ZNF114: variants seen among roughly 807,000 people sequenced by gnomAD.
ZNF114 encodes zinc finger protein 114 (Y18).
Under a neutral mutation model 6.8 loss-of-function variants are expected in ZNF114, and 8 were observed. The ratio of observed to expected loss-of-function variants is 1.18; its 90% CI spans 0.69 to 2.13. The LOEUF (loss-of-function observed/expected upper bound fraction) is 2.13. ZNF114 is among the 30% of genes most tolerant of loss of function. The pLI, the probability that ZNF114 is intolerant of heterozygous loss-of-function variation, is 0.00. For synonymous variants in ZNF114, 169 were observed against 185.5 expected (o/e 0.91, Z 0.72); for missense variants, 472 against 519.5 (o/e 0.91, Z 0.89).
At chr19:48,274,480 TTTTATATATA>T (rs1232522213) in intron 3 of ZNF114, among the ~76,000 whole-genome samples, 1 of 67,978 alleles carries the variant, frequency 1.5e-5, no homozygotes, top group African/African-American at 4.6e-5. Flanking sequence ...AGAAAAAAAC[TTTTATATATA>T]TATATATATA....
At chr19:48,277,788 G>A (rs1160358294) in intron 3 of ZNF114, among the ~76,000 whole-genome samples, 1 of 16,434 alleles carries the variant, frequency 6.1e-5, no homozygotes, top group African/African-American at 2.7e-4. Flanking sequence ...GACCAGGGAG[G>A]CATTGGGTGT....
Position 48,286,957 on chromosome 19 carries a change from G to A in ZNF114, c.*79G>A. 2 of 1,432,260 alleles carry A rather than the reference G, an allele frequency of 1.4e-6. No homozygotes were observed. Among genetic ancestry groups the A allele is most frequent in the East Asian group, 2.4e-5 (1 of 42,506 alleles). 88.7% of individuals were successfully genotyped at this position (1,432,260 alleles called of 1,614,324 possible). A position where few individuals can be genotyped will look rare whatever the true frequency, so the allele number is the denominator to read the frequency against. On this transcript the variant is annotated 3_prime_UTR_variant, in exon 6 of 6. Transcript: ENST00000595607. ...AGGACATATTGGAAGGGAGCTCAAGGGGTTAGCATGAGTGAGAACATCTTC... is the reference window on the plus strand; with the variant it reads ...AGGACATATTGGAAGGGAGCTCAAGAGGTTAGCATGAGTGAGAACATCTTC...
intron 5 of ZNF114, among the ~76,000 whole-genome samples, chr19:48,285,391 A>G (rs767254530): frequency 6.6e-6 from 1 of 152,110 alleles, no homozygotes; most frequent in Non-Finnish European, 1.5e-5. Flanking sequence ...TCAGCTACTC[A>G]GGAAGCTGAG....
chr19:48,280,979 T>A (rs1600843271), intron 4 of ZNF114, among the ~76,000 whole-genome samples: 1 of 151,768 alleles, frequency 6.6e-6, no homozygotes, highest in African/African-American at 2.4e-5. Flanking sequence ...ACTCAGGTAC[T>A]CTTTTTCCTG....
intron 5 of ZNF114, among the ~76,000 whole-genome samples, chr19:48,282,805 C>CA (rs1411336109): frequency 6.6e-6 from 1 of 151,060 alleles, no homozygotes; most frequent in African/African-American, 2.4e-5. Context: ...TTCCACCCCC[C>CA]AGGTTCATGC....
chr19:48,275,655 A>C (rs1967809741), intron 3 of ZNF114, among the ~76,000 whole-genome samples: 1 of 151,948 alleles, frequency 6.6e-6, no homozygotes, highest in Admixed American at 6.6e-5. Context: ...AATAAAAATG[A>C]AAGATACATC....
chr19:48,274,779 T>TA (rs1967780831), intron 3 of ZNF114, among the ~76,000 whole-genome samples: 1 of 151,914 alleles, frequency 6.6e-6, no homozygotes, highest in South Asian at 2.1e-4. Flanking sequence ...GTGCTGGGAT[T>TA]ACAGGCGTGA....
intron 3 of ZNF114, among the ~76,000 whole-genome samples, chr19:48,272,838 C>T (rs1967707042): frequency 6.9e-6 from 1 of 144,134 alleles, no homozygotes; most frequent in Non-Finnish European, 1.5e-5. Flanking sequence ...CTCTGTCACC[C>T]AGGCTGGAGC....
chr19:48,270,814 C>T (rs1967636868), intron 1 of ZNF114, among the ~76,000 whole-genome samples: 1 of 151,964 alleles, frequency 6.6e-6, no homozygotes, highest in East Asian at 1.9e-4. Flanking sequence ...CGCGGTGGCT[C>T]ACGCCTGTAA....
chr19:48,279,602 T>C lies in ZNF114; in HGVS notation c.-69-129T>C, dbSNP rs1176372387. On this transcript the variant is annotated intron_variant, in intron 3 of 5. Transcript: ENST00000595607. ...GGGTGGGTGTAGAGGGGGTGGGGGTTGTGGGCTGTGGTGGGGAAGTGTGTG... is the reference window on the plus strand; with the variant it reads ...GGGTGGGTGTAGAGGGGGTGGGGGTCGTGGGCTGTGGTGGGGAAGTGTGTG... The C allele has an allele frequency of 2.2e-5, 12 of 544,918 alleles. No homozygotes were observed. The African/African-American group carries it at 2.8e-4, about 13-fold the overall frequency. The allele number at this position is 544,918 out of a possible 1,614,324, so 33.8% of individuals were successfully genotyped here.
At position 48,278,177 on chromosome 19, in the gene ZNF114, C is replaced by A. The variant is rs918927520; in HGVS notation, c.-69-1554C>A. On this transcript the variant is annotated intron_variant, in intron 3 of 5. Transcript: ENST00000595607. ...TCTCAAACTCCTGACCTCAAGTGAT[C>A]CACCTGCCTCGGCCTCCCAGAGTCT... 2.6e-5 allele frequency among the ~76,000 whole-genome samples: 4 copies of A among 152,332 alleles called. No homozygotes were observed. In the South Asian group the frequency reaches 8.3e-4, roughly 32 times the overall value.
Position 48,286,346 on chromosome 19 carries a change from C to G in ZNF114, c.722C>G (p.Thr241Ser), listed in dbSNP as rs1285411891. 2 of 1,614,098 alleles carry G rather than the reference C, an allele frequency of 1.2e-6. No individual in the cohort carries two copies. The highest frequency in any genetic ancestry group is 1.7e-5 in the Admixed American group (1 of 59,996). ...GACGGATCCCTTAGGGCACACAACA[C>G]TCATGGTCGAGAGAAAATGTATGAT... ...REDGSLRAHN[T>S]HGREKMYDFT... Residue 241 changes from threonine (T) to serine (S), a missense_variant, in exon 6 of 6, where the codon ACT becomes AGT. Physicochemically the swap from Thr to Ser is moderately conservative, Grantham distance 58 (BLOSUM62 1). Coordinates refer to ENST00000595607, the MANE Select transcript of ZNF114 (RefSeq NM_153608.4).
chr19:48,270,779 G>GA (rs71181666), intron 1 of ZNF114, among the ~76,000 whole-genome samples: 1 of 132,246 alleles, frequency 7.6e-6, no homozygotes, highest in African/African-American at 2.7e-5. Context: ...AAGAAAGAAA[G>GA]AAAGAAAAGA....
chr19:48,287,496 CA>C lies in ZNF114; in HGVS notation c.*632del, dbSNP rs1426754041. On this transcript the variant is annotated 3_prime_UTR_variant, in exon 6 of 6. Coordinates refer to ENST00000595607, the MANE Select transcript of ZNF114 (RefSeq NM_153608.4). ...TGGGGGAAAGAGCGAGACTCCGTCT[CA>C]AAAAAAAAAAAAAGTAGGAAAGACC... 533 of 120,174 alleles carry C rather than the reference CA, an allele frequency of 4.4e-3. 2 individuals carry two copies. Among genetic ancestry groups the C allele is most frequent in the Middle Eastern group, 9.5e-3 (2 of 210 alleles). The allele number at this position is 120,174 out of a possible 1,614,324, so 7.4% of individuals were successfully genotyped here.
At chr19:48,277,469 A>C (rs950321418) in intron 3 of ZNF114, among the ~76,000 whole-genome samples, 8 of 152,180 alleles carry the variant, frequency 5.3e-5, no homozygotes, top group African/African-American at 1.9e-4. Flanking sequence ...TTTCCTCTTT[A>C]TTAACCAAGG....
rs1426754041 is a variant in ZNF114 at position 48,287,496 on chromosome 19, C to CA, written c.*632dup. On this transcript the variant is annotated 3_prime_UTR_variant, in exon 6 of 6. Transcript: ENST00000595607. ...TGGGGGAAAGAGCGAGACTCCGTCTCAAAAAAAAAAAAAAGTAGGAAAGAC... is the reference window on the plus strand; with the variant it reads ...TGGGGGAAAGAGCGAGACTCCGTCTCAAAAAAAAAAAAAAAGTAGGAAAGAC... 1,020 of 120,304 alleles carry CA rather than the reference C, an allele frequency of 8.5e-3. 15 individuals carry two copies. Among genetic ancestry groups the CA allele is most frequent in the African/African-American group, 0.026 (855 of 32,528 alleles). 7.5% of individuals were successfully genotyped at this position (120,304 alleles called of 1,614,324 possible).
chr19:48,278,942 C>CAA (rs71334282), intron 3 of ZNF114, among the ~76,000 whole-genome samples: 8,215 of 143,702 alleles, frequency 0.057, 464 homozygotes, highest in African/African-American at 0.15. Context: ...GACTCCGTCT[C>CAA]AAAAAAAAAA....
intron 5 of ZNF114, among the ~76,000 whole-genome samples, chr19:48,284,903 A>G (rs565703044): frequency 6.6e-6 from 1 of 152,270 alleles, no homozygotes; most frequent in African/African-American, 2.4e-5. Context: ...GATCACACCT[A>G]TGAATAGCCA....
chr19:48,276,885 G>T (rs547219691), intron 3 of ZNF114, among the ~76,000 whole-genome samples: 46 of 152,358 alleles, frequency 3.0e-4, no homozygotes, highest in African/African-American at 1.1e-3. Flanking sequence ...GGGACTGGGC[G>T]TGGTGGCTCA....
Sources: allele counts gnomAD v4.1 joint callset (sites outside exome capture counted in the v4.1 genomes callset), GRCh38; gene constraint gnomAD v4.1.1; transcripts MANE v1.5; gene names NCBI Gene and HGNC (gene_info 2026-07-23, HGNC 2026-07-21).